SPEF2: variants seen among roughly 807,000 people sequenced by gnomAD.
SPEF2 encodes the protein sperm flagella and cilia-associated protein 2.
Under a neutral mutation model 224.6 loss-of-function variants are expected in SPEF2, and 187 were observed. That is an observed-to-expected ratio of 0.83 (90% CI 0.74 to 0.94). SPEF2 has a LOEUF of 0.94. Among genes scored for constraint, SPEF2 ranks in the 40% least tolerant of loss-of-function variants. SPEF2 has a pLI of 0.00. For missense variants in SPEF2, 2,170 were observed against 2,135.6 expected (o/e 1.02, Z -0.32); for synonymous variants, 715 against 707.3 (o/e 1.01, Z -0.17).
At chr5:35,691,386 G>T in intron 11 of SPEF2, 130 bp downstream of exon 11, 1 of 747,060 alleles carries the variant, frequency 1.3e-6, no homozygotes, top group East Asian at 2.7e-5. Flanking sequence ...GTCATCAAAA[G>T]TTTTGTAATT....
chr5:35,802,620 T>C (rs1757573632), intron 34 of SPEF2, among the ~76,000 whole-genome samples: 1 of 151,940 alleles, frequency 6.6e-6, no homozygotes, highest in South Asian at 2.1e-4. Context: ...AGAAGAGACA[T>C]ACAAACAGAG....
intron 20 of SPEF2, among the ~76,000 whole-genome samples, chr5:35,715,635 C>T (rs1049201551): frequency 1.3e-5 from 2 of 151,888 alleles, no homozygotes; most frequent in Admixed American, 1.3e-4. Context: ...ACTAGAAGTT[C>T]AGAAAAAAAC....
At chr5:35,696,756 G>A (rs1755389924) in intron 14 of SPEF2, among the ~76,000 whole-genome samples, 1 of 152,162 alleles carries the variant, frequency 6.6e-6, no homozygotes, top group Non-Finnish European at 1.5e-5. Context: ...AACATGGAGT[G>A]GAGGAAGGGG....
At chr5:35,713,303 A>T (rs1278551115) in intron 20 of SPEF2, among the ~76,000 whole-genome samples, 1 of 152,202 alleles carries the variant, frequency 6.6e-6, no homozygotes, top group Non-Finnish European at 1.5e-5. Context: ...AAACTAAGAA[A>T]GGAGCCTTGG....
intron 19 of SPEF2, 198 bp downstream of exon 19, chr5:35,709,319 A>T (rs1357342927): frequency 3.6e-6 from 5 of 1,400,928 alleles, no homozygotes; most frequent in African/African-American, 2.9e-5. Context: ...CTTCTTTGCC[A>T]TGTAGGAGGA....
intron 21 of SPEF2, among the ~76,000 whole-genome samples, chr5:35,734,557 G>A (rs1746211766): frequency 6.6e-6 from 1 of 152,088 alleles, no homozygotes; most frequent in Admixed American, 6.5e-5. Context: ...TGACCCACAG[G>A]CCATGGATTG....
In SPEF2 at chr5:35,782,081, G is replaced by A. The variant is rs571592831; in HGVS notation, c.4447+2735G>A. Among the ~76,000 whole-genome samples the A allele has an allele frequency of 2.8e-3, 427 of 152,060 alleles. 3 individuals carry two copies. The highest frequency in any genetic ancestry group is 9.5e-3 in the African/African-American group (396 of 41,468). ...TCTGGCTTTTTTGTTTTTCTACCCC[G>A]GTTTGGCAATTGTTCACTTAAGAAA... is the stretch of plus-strand genomic sequence containing the variant. On this transcript the variant is annotated intron_variant, in intron 30 of 36. Transcript: ENST00000356031.
At chr5:35,788,520 ATG>A (rs1230418690) in intron 30 of SPEF2, 1 of 702,580 alleles carries the variant, frequency 1.4e-6, no homozygotes, top group Non-Finnish European at 2.6e-6. Flanking sequence ...CAGTTTGCAC[ATG>A]CAGGAAAGGT....
rs142277796 is a variant in SPEF2 at position 35,659,028 on chromosome 5, C to A, written c.988C>A (p.Arg330=). 13,296 of 1,557,568 alleles carry A rather than the reference C, an allele frequency of 8.5e-3. 65 individuals carry two copies. Among genetic ancestry groups the A allele is most frequent in the Non-Finnish European group, 9.9e-3 (11,323 of 1,148,100 alleles). ...CCCCTGGTGTTTTCAGGAGGCTTAT[C>A]GGGAGGAACAGCTGATTAACCGGCT... ...IAHEAQEEAY[R]EEQLINRLMR... is the part of the protein sequence containing the mutation. The change falls in exon 8 of 37, where the codon CGG becomes AGG. Residue 330 remains arginine, a synonymous_variant. Transcript: ENST00000356031.
chr5:35,674,334 CTTCT>C (rs1329485510), intron 10 of SPEF2, among the ~76,000 whole-genome samples: 4 of 65,000 alleles, frequency 6.2e-5, no homozygotes, highest in African/African-American at 2.5e-4. Flanking sequence ...CTCTTTTCGT[CTTCT>C]TTTTTTTTTT....
intron 17 of SPEF2, 95 bp from the exon 18 acceptor site, chr5:35,705,555 CT>C: frequency 1.2e-6 from 1 of 812,760 alleles, no homozygotes; most frequent in Non-Finnish European, 1.9e-6. Context: ...TATTGGCAGC[CT>C]GTCTTTTCAT....
At chr5:35,762,265 C>A (rs1751390149) in intron 25 of SPEF2, among the ~76,000 whole-genome samples, 1 of 152,172 alleles carries the variant, frequency 6.6e-6, no homozygotes, top group Middle Eastern at 3.4e-3. Context: ...ATTCTAAATG[C>A]AAATTCGTTT....
chr5:35,695,400 G>C (rs1352940817), intron 13 of SPEF2, among the ~76,000 whole-genome samples: 1 of 150,688 alleles, frequency 6.6e-6, no homozygotes, highest in East Asian at 1.9e-4. Flanking sequence ...ACATTTTTTT[G>C]AAAAACTTGA....
At chr5:35,777,825 T>C (rs927628847) in intron 29 of SPEF2, among the ~76,000 whole-genome samples, 2 of 152,150 alleles carry the variant, frequency 1.3e-5, no homozygotes, top group Admixed American at 1.3e-4. Context: ...CGCATCTGTT[T>C]TAGTATCCTG....
At position 35,670,689 on chromosome 5, in the gene SPEF2, T is replaced by C. The variant is rs115772897; in HGVS notation, c.1524+462T>C. On this transcript the variant is annotated intron_variant, in intron 10 of 36. Transcript: ENST00000356031. ...ATTCAAACAATCTTTTATTCAAAGA[T>C]TGAAATAAAAAGTATCGGGTGCCAA... The C allele has an allele frequency of 1.4e-3, 1,385 of 985,672 alleles. 20 individuals carry two copies. In the African/African-American group the frequency reaches 0.022, roughly 16 times the overall value. The allele number at this position is 985,672 out of a possible 1,614,324, so 61.1% of individuals were successfully genotyped here.
chr5:35,812,902 T>C (rs1219253799), intron 36 of SPEF2, among the ~76,000 whole-genome samples: 1 of 152,232 alleles, frequency 6.6e-6, no homozygotes, highest in Non-Finnish European at 1.5e-5. Context: ...TTTATCTTTA[T>C]AACAAAATAT....
intron 30 of SPEF2, chr5:35,789,856 A>G (rs1306449406): frequency 2.8e-6 from 2 of 703,004 alleles, no homozygotes; most frequent in Admixed American, 4.0e-5. Flanking sequence ...CAGTATTAGA[A>G]GCTGCCAATG....
In SPEF2 at chr5:35,654,655, G is replaced by T; in HGVS notation, c.907G>T (p.Ala303Ser). 6.2e-7 allele frequency: 1 copy of T among 1,613,942 alleles called. No homozygotes were observed. The highest frequency in any genetic ancestry group is 8.5e-7 in the Non-Finnish European group (1 of 1,179,994). ...GAAGCGCCTTGAAGAAGATGCTTTT[G>T]CACGAGAGCAAAGGGAGAAAAGACG... ...IQKRLEEDAF[A>S]REQREKRRRK... Residue 303 changes from alanine to serine, a missense_variant, in exon 7 of 37, where the codon GCA (alanine) becomes TCA (serine). By Grantham distance (99) the Ala-to-Ser change is moderately conservative. Coordinates refer to ENST00000356031, the MANE Select transcript of SPEF2 (RefSeq NM_024867.4).
Position 35,727,784 on chromosome 5 carries a change from A to T in SPEF2, c.3024A>T (p.Gly1008=), listed in dbSNP as rs1487185442. 1 of 1,614,032 alleles carries T rather than the reference A, an allele frequency of 6.2e-7. No individual in the cohort carries two copies. Among genetic ancestry groups the T allele is most frequent in the Non-Finnish European group, 8.5e-7 (1 of 1,179,928 alleles). The part of the protein sequence containing the change: ...VAIVPQPPKP[G]SEEWVYVNEP... ...TAGTGCCACAGCCACCTAAGCCAGG[A>T]TCAGAAGAATGGGTCTATGTGAATG... Residue 1008 remains glycine (G), a synonymous_variant, in exon 21 of 37, where the codon GGA becomes GGT. Transcript: ENST00000356031.
Sources: allele counts gnomAD v4.1 joint callset (sites outside exome capture counted in the v4.1 genomes callset), GRCh38; gene constraint gnomAD v4.1.1; transcripts MANE v1.5; gene names NCBI Gene and HGNC (gene_info 2026-07-23, HGNC 2026-07-21).